The following RBP2 variants were observed in gnomAD, a reference collection of about 807,000 sequenced individuals.
RBP2 encodes retinol binding protein 2.
In RBP2, 17 loss-of-function variants were observed where a neutral mutation model predicts 17.0. That is an observed-to-expected ratio of 1.00 (90% confidence interval 0.68 to 1.50). The LOEUF (loss-of-function observed/expected upper bound fraction) is 1.50. Among genes scored for constraint, RBP2 ranks in the 40% most tolerant of loss-of-function variants. The pLI, the probability that RBP2 is intolerant of heterozygous loss-of-function variation, is 0.00. For missense variants in RBP2, 158 were observed against 168.2 expected (o/e 0.94, Z 0.33); for synonymous variants, 48 against 57.1 (o/e 0.84, Z 0.72).
chr3:139,465,086 T>A (rs1354076154), intron 1 of RBP2, among the ~76,000 whole-genome samples: 1 of 152,164 alleles, frequency 6.6e-6, no homozygotes, highest in Admixed American at 6.5e-5. Flanking sequence ...ATACAGCAAT[T>A]GTAGTGGCTT....
At chr3:139,460,915 A>G (rs1404714005) in intron 2 of RBP2, among the ~76,000 whole-genome samples, 1 of 152,208 alleles carries the variant, frequency 6.6e-6, no homozygotes, top group Non-Finnish European at 1.5e-5. Context: ...TATAAAATGC[A>G]TGGGCATAGA....
chr3:139,454,655 A>G, intron 3 of RBP2, 74 bp downstream of exon 3: 1 of 1,463,600 alleles, frequency 6.8e-7, no homozygotes, highest in Non-Finnish European at 9.6e-7. Flanking sequence ...TTTCTTGTCA[A>G]AACACCTGGC....
chr3:139,462,033 T>A lies in RBP2; in HGVS notation c.252+79A>T, dbSNP rs148500233. The A allele has an allele frequency of 2.7e-4, 400 of 1,464,970 alleles. 1 individual carries two copies. The highest frequency in any genetic ancestry group is 4.2e-4 in the African/African-American group (29 of 69,082). The allele number at this position is 1,464,970 out of a possible 1,614,324, so 90.7% of individuals were successfully genotyped here. ...ATTTTTCCCAGGTTGTTTCTAATAT[T>A]TTTTTTTTCATCATGATACCAAATA... On this transcript the variant is annotated intron_variant, in intron 2 of 3. Coordinates refer to ENST00000232217, the MANE Select transcript of RBP2 (RefSeq NM_004164.3).
chr3:139,462,384 A>G, intron 1 of RBP2, 94 bp from the exon 2 acceptor site: 1 of 1,318,228 alleles, frequency 7.6e-7, no homozygotes, highest in East Asian at 2.3e-5. Context: ...AGAGACACAG[A>G]TTGTGTGTAG....
chr3:139,462,264 C>T lies in RBP2; in HGVS notation c.100G>A (p.Ala34Thr). Residue 34 changes from alanine (A) to threonine (T), a missense_variant, in exon 2 of 4, where the codon GCA (alanine) becomes ACA (threonine). Physicochemically the swap from Ala to Thr is moderately conservative, Grantham distance 58. Transcript: ENST00000232217. ...ACCTTCGTCTGAGTGAGACGTACTG[C>T]AATCTTGCGGGTGGCAAAATCAATA... ...LDIDFATRKI[A>T]VRLTQTKVID... 6.2e-7 allele frequency: 1 copy of T among 1,614,132 alleles called. No individual in the cohort carries two copies. Among genetic ancestry groups the T allele is most frequent in the Non-Finnish European group, 8.5e-7 (1 of 1,180,012 alleles).
At chr3:139,454,017 T>C (rs59190720) in intron 3 of RBP2, among the ~76,000 whole-genome samples, 58 of 151,746 alleles carry the variant, frequency 3.8e-4, no homozygotes, top group African/African-American at 1.3e-3. Context: ...GCCAGGTACC[T>C]GCCTCATTCC....
chr3:139,459,444 A>G (rs1029198066), intron 2 of RBP2, among the ~76,000 whole-genome samples: 1 of 111,854 alleles, frequency 8.9e-6, no homozygotes, highest in African/African-American at 3.6e-5. Context: ...TCATATTTAC[A>G]TATATTTATA....
intron 1 of RBP2, among the ~76,000 whole-genome samples, chr3:139,468,485 A>G (rs534705192): frequency 5.3e-5 from 8 of 152,130 alleles, no homozygotes; most frequent in African/African-American, 1.7e-4. Flanking sequence ...AAGCATCACT[A>G]CTCTTCTGGA....
chr3:139,462,576 C>CACA (rs1182808602), intron 1 of RBP2, among the ~76,000 whole-genome samples: 1 of 151,442 alleles, frequency 6.6e-6, no homozygotes, highest in Non-Finnish European at 1.5e-5. Flanking sequence ...CACACACACA[C>CACA]ACACACACAC....
chr3:139,462,106 C>G lies in RBP2; in HGVS notation c.252+6G>C. The G allele has an allele frequency of 6.2e-7, 1 of 1,613,650 alleles. No homozygotes were observed. The highest frequency in any genetic ancestry group is 1.1e-5 in the South Asian group (1 of 91,034). ...GTGAATGAAAAACACCAGCCCCGGT[C>G]AGTACCTTAACATGCCGGTTATCCA... On this transcript the variant is annotated splice_donor_region_variant and intron_variant, in intron 2 of 3. Transcript: ENST00000232217.
intron 2 of RBP2, among the ~76,000 whole-genome samples, chr3:139,457,271 AG>A (rs1192511802): frequency 6.6e-6 from 1 of 152,234 alleles, no homozygotes; most frequent in Non-Finnish European, 1.5e-5. Context: ...TGGTCCTACC[AG>A]AGTGCACACA....
intron 1 of RBP2, among the ~76,000 whole-genome samples, chr3:139,464,296 C>T (rs971741273): frequency 2.0e-5 from 3 of 152,048 alleles, no homozygotes; most frequent in African/African-American, 4.8e-5. Flanking sequence ...CCTGTCTCTA[C>T]AAAAATACAA....
intron 1 of RBP2, among the ~76,000 whole-genome samples, chr3:139,474,447 T>A (rs147137911): frequency 6.6e-6 from 1 of 152,326 alleles, no homozygotes; most frequent in East Asian, 1.9e-4. Context: ...AGCCTAGATT[T>A]TAAATCTAAG....
intron 2 of RBP2, among the ~76,000 whole-genome samples, chr3:139,459,400 ATGTGTGTGTGTGTGTGTGTG>A (rs57107462): frequency 1.6e-5 from 2 of 128,552 alleles, no homozygotes; most frequent in African/African-American, 5.9e-5. Context: ...TACTATATAT[ATGTGTGTGTGTGTGTGTGTG>A]TGTGTGTGTG....
intron 1 of RBP2, among the ~76,000 whole-genome samples, chr3:139,475,706 C>A (rs1933716423): frequency 6.6e-6 from 1 of 152,172 alleles, no homozygotes; most frequent in African/African-American, 2.4e-5. Context: ...CTGTGAGCTC[C>A]CCTCTGGGGA....
rs947262221 is a variant in RBP2 at position 139,472,350 on chromosome 3, C to A, written c.73+4037G>T. Among the ~76,000 whole-genome samples the A allele has an allele frequency of 3.9e-5, 6 of 152,340 alleles. No homozygotes were observed. In the East Asian group the frequency reaches 1.2e-3, roughly 29 times the overall value. The stretch of plus-strand genomic sequence containing the variant: ...CATCCTACATGCTGTTCTTACAATG[C>A]AACCTTGACATTCATCCCACTGAGA... On this transcript the variant is annotated intron_variant, in intron 1 of 3. Transcript: ENST00000232217.
intron 1 of RBP2, among the ~76,000 whole-genome samples, chr3:139,472,900 G>C (rs1933612302): frequency 6.6e-6 from 1 of 152,188 alleles, no homozygotes; most frequent in South Asian, 2.1e-4. Flanking sequence ...CACAGTCCCT[G>C]GCATCCACAG....
At chr3:139,469,683 GTCTGTCTATCTATCTATCTATCTATCTA>G (rs1933487566) in intron 1 of RBP2, among the ~76,000 whole-genome samples, 141 of 127,664 alleles carry the variant, frequency 1.1e-3, no homozygotes, top group African/African-American at 3.5e-3. Flanking sequence ...CTGTCTGTCT[GTCTGTCTATCTATCTATCTATCTATCTA>G]TCTATCTATC....
chr3:139,460,315 G>GGAC (rs1429781750), intron 2 of RBP2, among the ~76,000 whole-genome samples: 2 of 152,138 alleles, frequency 1.3e-5, no homozygotes, highest in African/African-American at 4.8e-5. Context: ...TTCCATAAGT[G>GGAC]GACATTCCAG....
Sources: allele counts gnomAD v4.1 joint callset (sites outside exome capture counted in the v4.1 genomes callset), GRCh38; gene constraint gnomAD v4.1.1; transcripts MANE v1.5; gene names NCBI Gene and HGNC (gene_info 2026-07-23, HGNC 2026-07-21).